Variants in EPHA5 observed in about 807,000 individuals in gnomAD.
EPHA5 encodes ephrin type-A receptor 5.
EPHA5 carries 60 observed loss-of-function variants against 105.0 expected under a neutral mutation model. That is an observed-to-expected ratio of 0.57 (90% CI 0.46 to 0.71). EPHA5 has a LOEUF of 0.71. EPHA5 is among the 30% of genes least tolerant of loss of function. The pLI is 0.00. For synonymous variants in EPHA5, 513 were observed against 449.1 expected (o/e 1.14, Z -1.80); for missense variants, 1,218 against 1,274.7 (o/e 0.96, Z 0.68).
intron 2 of EPHA5, among the ~76,000 whole-genome samples, chr4:65,613,254 T>A (rs13107455): frequency 6.6e-6 from 1 of 151,780 alleles, no homozygotes; most frequent in Non-Finnish European, 1.5e-5. Context: ...TATGCCTGTA[T>A]CATGCTGTTT....
intron 1 of EPHA5, among the ~76,000 whole-genome samples, chr4:65,648,993 A>G (rs1184055319): frequency 1.3e-5 from 2 of 152,222 alleles, no homozygotes; most frequent in African/African-American, 2.4e-5. Context: ...TTATAGGTTT[A>G]GAAGTGTTAT....
At chr4:65,459,860 G>T (rs750100996) in intron 5 of EPHA5, among the ~76,000 whole-genome samples, 4 of 151,674 alleles carry the variant, frequency 2.6e-5, no homozygotes, top group African/African-American at 4.8e-5. Flanking sequence ...ATCAGCAAAT[G>T]AAAGAAAAGC....
At chr4:65,618,451 T>G (rs1004075842) in intron 2 of EPHA5, among the ~76,000 whole-genome samples, 2 of 152,174 alleles carry the variant, frequency 1.3e-5, no homozygotes, top group Admixed American at 1.3e-4. Flanking sequence ...TAGTTAAATT[T>G]CTGCTTTAAT....
intron 2 of EPHA5, among the ~76,000 whole-genome samples, chr4:65,621,228 A>G (rs1414468700): frequency 1.3e-5 from 2 of 152,190 alleles, no homozygotes; most frequent in African/African-American, 4.8e-5. Flanking sequence ...TTGTTTACAC[A>G]AATTGCCTCA....
At chr4:65,348,576 C>T (rs984394000) in intron 13 of EPHA5, among the ~76,000 whole-genome samples, 1 of 148,606 alleles carries the variant, frequency 6.7e-6, no homozygotes, top group Admixed American at 6.8e-5. Flanking sequence ...TTCTTTAATA[C>T]AGAAATTGTA....
intron 2 of EPHA5, among the ~76,000 whole-genome samples, chr4:65,639,734 C>T (rs1218208580): frequency 1.3e-5 from 2 of 152,002 alleles, no homozygotes; most frequent in African/African-American, 2.4e-5. Context: ...TTCTTTCCAC[C>T]GATCTCTAAG....
In EPHA5 at chr4:65,402,222, C is replaced by T. The variant is rs552719699; in HGVS notation, c.1793+2152G>A. Among the ~76,000 whole-genome samples, 15 of 152,212 alleles carry T rather than the reference C, an allele frequency of 9.9e-5. No individual in the cohort carries two copies. The East Asian group carries it at 2.7e-3, about 27-fold the overall frequency. On this transcript the variant is annotated intron_variant, in intron 8 of 16. Transcript: ENST00000613740. ...ATTATGAGTTTCCTGAGACCACCCC[C>T]TCCATGTGGAACTATGACTCAATTA...
chr4:65,520,689 A>C (rs1323187679), intron 3 of EPHA5, among the ~76,000 whole-genome samples: 1 of 152,066 alleles, frequency 6.6e-6, no homozygotes, highest in Non-Finnish European at 1.5e-5. Flanking sequence ...AAGAAAAAAA[A>C]CAACCCCATC....
At chr4:65,344,714 C>T (rs975016683) in intron 14 of EPHA5, among the ~76,000 whole-genome samples, 5 of 152,116 alleles carry the variant, frequency 3.3e-5, no homozygotes, top group Non-Finnish European at 7.3e-5. Flanking sequence ...GAAATGAAAC[C>T]ACGCAGTGTT....
At chr4:65,411,035 A>ATTGTT (rs574748454) in intron 7 of EPHA5, among the ~76,000 whole-genome samples, 96 of 152,150 alleles carry the variant, frequency 6.3e-4, no homozygotes, top group African/African-American at 1.9e-3. Context: ...TTGTTGATAT[A>ATTGTT]TTGTTTTGTT....
intron 5 of EPHA5, among the ~76,000 whole-genome samples, chr4:65,468,705 A>ATC (rs1729002407): frequency 7.0e-6 from 1 of 142,804 alleles, no homozygotes; most frequent in Non-Finnish European, 1.5e-5. Context: ...ATATATATAT[A>ATC]TAAAACAAGG....
Position 65,522,411 on chromosome 4 carries a change from C to T in EPHA5, c.911-26868G>A, listed in dbSNP as rs191230862. Among the ~76,000 whole-genome samples, 169 of 150,984 alleles carry T rather than the reference C, an allele frequency of 1.1e-3. 1 individual carries two copies. Among genetic ancestry groups the T allele is most frequent in the African/African-American group, 3.9e-3 (159 of 40,964 alleles). ...CATTTTCATCTATCTTTCATACTGG[C>T]GAGGAAAAGAATTTTGTGCACTCAC... On this transcript the variant is annotated intron_variant, in intron 3 of 16. Transcript: ENST00000613740.
chr4:65,482,722 T>C (rs1730495639), intron 5 of EPHA5, among the ~76,000 whole-genome samples: 1 of 152,132 alleles, frequency 6.6e-6, no homozygotes, highest in Non-Finnish European at 1.5e-5. Context: ...ACTTACCCCA[T>C]GGCCACTTAA....
At position 65,552,486 on chromosome 4, in the gene EPHA5, C is replaced by T. The variant is rs536185927; in HGVS notation, c.910+49155G>A. ...CTTTGGATGGCATTAGATTTTGCTA[C>T]GCTTGACTGACAAATCTCATTTAGG... On this transcript the variant is annotated intron_variant, in intron 3 of 16. Coordinates refer to ENST00000613740, the MANE Select transcript of EPHA5 (RefSeq NM_001281766.3). 9.6e-4 allele frequency among the ~76,000 whole-genome samples: 146 copies of T among 152,222 alleles called. 1 individual carries two copies. Among genetic ancestry groups the T allele is most frequent in the African/African-American group, 3.2e-3 (135 of 41,562 alleles).
At chr4:65,384,857 A>G (rs1157798004) in intron 8 of EPHA5, among the ~76,000 whole-genome samples, 1 of 151,862 alleles carries the variant, frequency 6.6e-6, no homozygotes, top group Admixed American at 6.6e-5. Context: ...TTACTCCTGC[A>G]GAACGATGCC....
intron 14 of EPHA5, among the ~76,000 whole-genome samples, chr4:65,347,305 A>G (rs952842493): frequency 4.9e-4 from 75 of 152,224 alleles, no homozygotes; most frequent in Admixed American, 4.8e-3. Context: ...TAAGGGCTCA[A>G]TAAATGTTAG....
intron 2 of EPHA5, among the ~76,000 whole-genome samples, chr4:65,636,916 G>A (rs781313359): frequency 6.6e-6 from 1 of 152,082 alleles, no homozygotes; most frequent in South Asian, 2.1e-4. Flanking sequence ...CTAGAAGACT[G>A]AGGGAAATAC....
chr4:65,406,137 G>A (rs1477276575), intron 7 of EPHA5, among the ~76,000 whole-genome samples: 1 of 152,104 alleles, frequency 6.6e-6, no homozygotes, highest in Non-Finnish European at 1.5e-5. Context: ...TCTGGGAGAG[G>A]GTTTTGCTGC....
intron 14 of EPHA5, among the ~76,000 whole-genome samples, chr4:65,338,077 TAA>T (rs947027125): frequency 4.0e-5 from 6 of 151,612 alleles, no homozygotes; most frequent in African/African-American, 1.5e-4. Flanking sequence ...AATAAAATAA[TAA>T]AACAACAGAT....
Sources: allele counts gnomAD v4.1 joint callset (sites outside exome capture counted in the v4.1 genomes callset), GRCh38; gene constraint gnomAD v4.1.1; transcripts MANE v1.5; gene names NCBI Gene and HGNC (gene_info 2026-07-23, HGNC 2026-07-21).